Variants in HEMK2 observed in about 807,000 individuals in gnomAD.
The protein encoded by HEMK2 is HemK methyltransferase 2, ETF1 glutamine and histone H4 lysine, also known as methyltransferase HEMK2.
chr21:28,585,482 T>A, the HEMK2 span, among the ~76,000 whole-genome samples: 885 of 152,108 alleles, frequency 5.8e-3, 11 homozygotes, highest in African/African-American at 0.02. Flanking sequence ...AGAGTACCTA[T>A]GTTAACATGT....
chr21:28,694,713 C>T, the HEMK2 span, among the ~76,000 whole-genome samples: 1 of 152,072 alleles, frequency 6.6e-6, no homozygotes, highest in Non-Finnish European at 1.5e-5. Context: ...GATTCAGGGC[C>T]GGACGCAGTG....
the HEMK2 span, among the ~76,000 whole-genome samples, chr21:28,868,616 G>A: frequency 6.6e-6 from 1 of 152,128 alleles, no homozygotes; most frequent in African/African-American, 2.4e-5. Flanking sequence ...CTTGTGGGGT[G>A]GAGGTTGCCG....
chr21:28,653,615 CACA>C, the HEMK2 span, among the ~76,000 whole-genome samples: 2 of 152,154 alleles, frequency 1.3e-5, no homozygotes, highest in African/African-American at 2.4e-5. Flanking sequence ...ATCACTTCTG[CACA>C]ACATTTCTTA....
chr21:28,710,792 T>C, the HEMK2 span, among the ~76,000 whole-genome samples: 3 of 152,240 alleles, frequency 2.0e-5, no homozygotes, highest in African/African-American at 7.2e-5. Context: ...ATATGCTTCA[T>C]GTATAGTATT....
the HEMK2 span, among the ~76,000 whole-genome samples, chr21:28,681,264 A>G: frequency 7.0e-3 from 1,064 of 152,316 alleles, 11 homozygotes; most frequent in African/African-American, 0.024. Context: ...ATAAGAGACA[A>G]ACAGAGAACC....
chr21:28,671,822 C>T, the HEMK2 span, among the ~76,000 whole-genome samples: 1 of 152,198 alleles, frequency 6.6e-6, no homozygotes, highest in Non-Finnish European at 1.5e-5. Flanking sequence ...ATCATTTCCA[C>T]TCTTTGAAAA....
chr21:28,680,364 C>A, the HEMK2 span, among the ~76,000 whole-genome samples: 1 of 152,122 alleles, frequency 6.6e-6, no homozygotes, highest in Non-Finnish European at 1.5e-5. Context: ...GAAGTGGAAT[C>A]GCTGAATAGA....
the HEMK2 span, among the ~76,000 whole-genome samples, chr21:28,797,214 C>A: frequency 6.6e-6 from 1 of 152,140 alleles, no homozygotes; most frequent in Non-Finnish European, 1.5e-5. Flanking sequence ...CTGTTGAATG[C>A]ACATTGCACT....
At chr21:28,716,750 T>C in the HEMK2 span, among the ~76,000 whole-genome samples, 12 of 152,342 alleles carry the variant, frequency 7.9e-5, no homozygotes, top group Admixed American at 5.9e-4. Flanking sequence ...GGGTTTGTCA[T>C]AGACAACTCT....
chr21:28,802,299 T>C, the HEMK2 span, among the ~76,000 whole-genome samples: 3 of 152,206 alleles, frequency 2.0e-5, no homozygotes, highest in South Asian at 4.1e-4. Context: ...TGTTACCCTC[T>C]GTTGAAAATA....
the HEMK2 span, among the ~76,000 whole-genome samples, chr21:28,611,322 A>T: frequency 6.6e-6 from 1 of 152,224 alleles, no homozygotes; most frequent in African/African-American, 2.4e-5. Flanking sequence ...AATGAAATCA[A>T]GGTAGAATTT....
At chr21:28,675,240 C>T in the HEMK2 span, among the ~76,000 whole-genome samples, 1 of 151,934 alleles carries the variant, frequency 6.6e-6, no homozygotes, top group African/African-American at 2.4e-5. Flanking sequence ...AAATAGCAAC[C>T]TTTTGCTGCT....
At chr21:28,789,566 T>C in the HEMK2 span, among the ~76,000 whole-genome samples, 1 of 152,254 alleles carries the variant, frequency 6.6e-6, no homozygotes, top group Non-Finnish European at 1.5e-5. Context: ...TGCTAACTAA[T>C]GCCTTGGGGT....
At chr21:28,595,063 ATATATT>A in the HEMK2 span, among the ~76,000 whole-genome samples, 1 of 152,228 alleles carries the variant, frequency 6.6e-6, no homozygotes. Flanking sequence ...CAGTAGGTGT[ATATATT>A]TATAAGATAC....
the HEMK2 span, among the ~76,000 whole-genome samples, chr21:28,656,129 G>A: frequency 9.5e-3 from 1,444 of 152,178 alleles, 23 homozygotes; most frequent in African/African-American, 0.033. Flanking sequence ...AATAGAGGAT[G>A]CAGCAATGAA....
chr21:28,745,722 C>A, the HEMK2 span, among the ~76,000 whole-genome samples: 2 of 151,996 alleles, frequency 1.3e-5, no homozygotes, highest in African/African-American at 4.8e-5. Flanking sequence ...AGCAGCTTCC[C>A]GACATATAAC....
the HEMK2 span, among the ~76,000 whole-genome samples, chr21:28,773,198 AC>A: frequency 1.3e-5 from 2 of 152,196 alleles, no homozygotes; most frequent in Non-Finnish European, 2.9e-5. Flanking sequence ...GATTGGGACC[AC>A]ACCAAATACC....
At chr21:28,824,941 T>C in the HEMK2 span, among the ~76,000 whole-genome samples, 1 of 152,352 alleles carries the variant, frequency 6.6e-6, no homozygotes, top group Middle Eastern at 3.4e-3. Context: ...TTCTCAGTTT[T>C]AGTACTGAAA....
the HEMK2 span, among the ~76,000 whole-genome samples, chr21:28,814,041 T>A: frequency 6.6e-6 from 1 of 152,046 alleles, no homozygotes. Flanking sequence ...ATTGAGACCA[T>A]CCTGGCCAAC....
Sources: allele counts gnomAD v4.1 joint callset (sites outside exome capture counted in the v4.1 genomes callset), GRCh38; gene constraint gnomAD v4.1.1; transcripts MANE v1.5; gene names NCBI Gene and HGNC (gene_info 2026-07-23, HGNC 2026-07-21).